Variants in SMAP1 observed in about 807,000 individuals in gnomAD.
SMAP1 encodes the protein stromal membrane-associated protein 1.
In SMAP1, 24 loss-of-function variants were observed where a neutral mutation model predicts 58.5. That is an observed-to-expected ratio of 0.41 (90% confidence interval 0.30 to 0.58). The LOEUF (loss-of-function observed/expected upper bound fraction) is 0.58, where lower values mean the gene tolerates loss of function less well. Ranked by LOEUF, SMAP1 falls within the 20% of genes least tolerant of loss-of-function variation. SMAP1 has a pLI of 0.29. For missense variants in SMAP1, 563 were observed against 566.3 expected (o/e 0.99, Z 0.06); for synonymous variants, 216 against 196.6 (o/e 1.10, Z -0.82).
chr6:70,826,775 C>CAA lies in SMAP1; in HGVS notation c.577-10162_577-10161dup, dbSNP rs1463094918. Among the ~76,000 whole-genome samples the CAA allele has an allele frequency of 4.6e-5, 7 of 151,324 alleles. No homozygotes were observed. The East Asian group carries it at 1.4e-3, about 30-fold the overall frequency. On this transcript the variant is annotated intron_variant, in intron 6 of 10. Transcript: ENST00000370455. ...TGTCTCAAACCCCAACAAAACAAAA[C>CAA]AAAAATTAGTTGGGCATTGTGGTGC... is the stretch of plus-strand genomic sequence containing the variant.
At chr6:70,810,193 G>A (rs1300249376) in intron 6 of SMAP1, among the ~76,000 whole-genome samples, 1 of 152,024 alleles carries the variant, frequency 6.6e-6, no homozygotes, top group Admixed American at 6.6e-5. Context: ...TCTTGAGATA[G>A]GGTCTTTCTG....
At chr6:70,734,496 C>T (rs1765546917) in intron 2 of SMAP1, 1 of 152,330 alleles carries the variant, frequency 6.6e-6, no homozygotes, top group African/African-American at 2.4e-5. Context: ...GTCGGGGTAG[C>T]CATGGCAGCT....
chr6:70,754,434 G>A (rs1376660608), intron 2 of SMAP1, among the ~76,000 whole-genome samples: 1 of 151,912 alleles, frequency 6.6e-6, no homozygotes, highest in Non-Finnish European at 1.5e-5. Context: ...AATTTATTAG[G>A]GTTTTGTAGG....
chr6:70,674,703 G>A (rs1365089999), intron 1 of SMAP1, among the ~76,000 whole-genome samples: 2 of 152,234 alleles, frequency 1.3e-5, no homozygotes, highest in Non-Finnish European at 2.9e-5. Flanking sequence ...GCCGGGTGCA[G>A]TGGTTCATGC....
chr6:70,767,239 TG>T (rs1582142245), intron 3 of SMAP1, among the ~76,000 whole-genome samples: 2 of 151,636 alleles, frequency 1.3e-5, no homozygotes, highest in East Asian at 3.9e-4. Flanking sequence ...GGCTCTTTTT[TG>T]GTTCCATATG....
chr6:70,791,824 T>G (rs1270767496), intron 5 of SMAP1, 55 bp downstream of exon 5: 2 of 1,443,530 alleles, frequency 1.4e-6, no homozygotes, highest in African/African-American at 2.8e-5. Context: ...TAAATTAACT[T>G]CCTTTTGCAG....
chr6:70,730,699 A>T (rs938256761), intron 1 of SMAP1, among the ~76,000 whole-genome samples: 1 of 152,196 alleles, frequency 6.6e-6, no homozygotes, highest in Non-Finnish European at 1.5e-5. Flanking sequence ...ATTTTACTAT[A>T]TTGTACTTAC....
intron 7 of SMAP1, among the ~76,000 whole-genome samples, chr6:70,851,707 A>G (rs983770278): frequency 6.6e-6 from 1 of 152,222 alleles, no homozygotes; most frequent in Non-Finnish European, 1.5e-5. Flanking sequence ...GTTCACTAAC[A>G]TAAAAAGGGG....
rs751990222 is a variant in SMAP1, at chr6:70,667,979, C to A, written c.-45C>A. The A allele has an allele frequency of 6.6e-7, 1 of 1,510,754 alleles. No individual in the cohort carries two copies. The highest frequency in any genetic ancestry group is 8.9e-7 in the Non-Finnish European group (1 of 1,118,256). The allele number at this position is 1,510,754 out of a possible 1,614,324, so 93.6% of individuals were successfully genotyped here. A position where few individuals can be genotyped will look rare whatever the true frequency, so the allele number is the denominator to read the frequency against. On this transcript the variant is annotated 5_prime_UTR_variant, in exon 1 of 11. Transcript: ENST00000370455. Reference sequence around the variant, plus strand: ...CACTCTGCCCGGCTCCAGCCAGCGTCCGCCGCCGCCGTAGCTGCCCCAGGC... The same window carrying A: ...CACTCTGCCCGGCTCCAGCCAGCGTACGCCGCCGCCGTAGCTGCCCCAGGC...
intron 6 of SMAP1, among the ~76,000 whole-genome samples, chr6:70,800,417 A>G (rs1768793956): frequency 6.6e-6 from 1 of 152,200 alleles, no homozygotes; most frequent in African/African-American, 2.4e-5. Flanking sequence ...CTCTCTATAC[A>G]CATATACATA....
intron 3 of SMAP1, among the ~76,000 whole-genome samples, chr6:70,764,626 A>C (rs1022621163): frequency 6.6e-6 from 1 of 152,214 alleles, no homozygotes; most frequent in Non-Finnish European, 1.5e-5. Flanking sequence ...CATTAAGTCC[A>C]CCGTTGAGAC....
chr6:70,680,368 T>C (rs1409747883), intron 1 of SMAP1, among the ~76,000 whole-genome samples: 1 of 152,220 alleles, frequency 6.6e-6, no homozygotes, highest in Non-Finnish European at 1.5e-5. Flanking sequence ...CTTTTGCTTT[T>C]CAAGAGACAC....
At chr6:70,711,353 C>T (rs1362069091) in intron 1 of SMAP1, among the ~76,000 whole-genome samples, 2 of 152,228 alleles carry the variant, frequency 1.3e-5, no homozygotes, top group Non-Finnish European at 2.9e-5. Flanking sequence ...GGAACTGTTA[C>T]TGTAAATGTG....
At chr6:70,860,071 A>ACT in intron 10 of SMAP1, 129 bp from the exon 11 acceptor site, 1 of 1,006,204 alleles carries the variant, frequency 9.9e-7, no homozygotes, top group East Asian at 2.6e-5. Context: ...TTTGTATGGT[A>ACT]CTCTGTTTTT....
intron 3 of SMAP1, among the ~76,000 whole-genome samples, chr6:70,756,692 A>T (rs959861676): frequency 6.6e-6 from 1 of 151,982 alleles, no homozygotes; most frequent in Admixed American, 6.6e-5. Context: ...TTGTCAATGT[A>T]CAAAAATCAC....
intron 2 of SMAP1, among the ~76,000 whole-genome samples, chr6:70,750,192 T>G (rs1562132603): frequency 1.3e-5 from 2 of 152,320 alleles, no homozygotes; most frequent in East Asian, 3.9e-4. Context: ...TAATTGCCAT[T>G]TGTCACTGGA....
rs1331722850 is a variant in SMAP1 at position 70,707,910 on chromosome 6, TCAAA to T, written c.119-24463_119-24460del. 1.2e-4 allele frequency among the ~76,000 whole-genome samples: 18 copies of T among 152,286 alleles called. No homozygotes were observed. In the East Asian group the frequency reaches 1.7e-3, roughly 15 times the overall value. ...ATATATAGTGAAATGATTTCTACAG[TCAAA>T]CAAATCAACATATCCACCACTTTCC... On this transcript the variant is annotated intron_variant, in intron 1 of 10. Coordinates refer to ENST00000370455, the MANE Select transcript of SMAP1 (RefSeq NM_001044305.3).
At position 70,780,025 on chromosome 6, in the gene SMAP1, A is replaced by G. The variant is rs1353047994; in HGVS notation, c.414+6600A>G. Reference sequence around the variant, plus strand: ...AAGTGAGTTGATGTACTTCAACTGTACGGCTGCATCTGGTGGCAGGCTTTA... The same window carrying G: ...AAGTGAGTTGATGTACTTCAACTGTGCGGCTGCATCTGGTGGCAGGCTTTA... On this transcript the variant is annotated intron_variant, in intron 4 of 10. Transcript: ENST00000370455. 3.3e-5 allele frequency among the ~76,000 whole-genome samples: 5 copies of G among 152,264 alleles called. No individual in the cohort carries two copies. The East Asian group carries it at 7.7e-4, about 23-fold the overall frequency.
chr6:70,747,636 G>A (rs1436266943), intron 2 of SMAP1, among the ~76,000 whole-genome samples: 1 of 152,182 alleles, frequency 6.6e-6, no homozygotes, highest in African/African-American at 2.4e-5. Context: ...GAAGAGGGGA[G>A]AGTCCAGGAT....
Sources: gnomAD v4.1 joint callset for allele counts (sites outside exome capture counted in the v4.1 genomes callset) on GRCh38, gnomAD v4.1.1 for gene constraint, MANE v1.5 for transcripts, NCBI Gene and HGNC (gene_info 2026-07-23, HGNC 2026-07-21) for gene names.